Variants in RSPH14 observed in about 807,000 individuals in gnomAD.
RSPH14 encodes rhabdoid tumor deletion region gene 1.
Under a neutral mutation model 26.7 loss-of-function variants are expected in RSPH14, and 20 were observed. The ratio of observed to expected loss-of-function variants is 0.75; its 90% CI spans 0.53 to 1.09. The LOEUF is 1.09. Ranked by LOEUF, RSPH14 falls within the 50% of genes least tolerant of loss-of-function variation. RSPH14 has a pLI of 0.00. For synonymous variants in RSPH14, 177 were observed against 189.3 expected (o/e 0.93, Z 0.53); for missense variants, 449 against 457.2 (o/e 0.98, Z 0.16).
At chr22:23,168,642 C>T in the RSPH14 span, among the ~76,000 whole-genome samples, 3 of 152,216 alleles carry the variant, frequency 2.0e-5, no homozygotes, top group Non-Finnish European at 2.9e-5. Context: ...AACTGATGAG[C>T]AGCCAGGACG....
chr22:23,070,937 C>A (rs1438974836), intron 4 of RSPH14, among the ~76,000 whole-genome samples: 7 of 151,992 alleles, frequency 4.6e-5, no homozygotes, highest in African/African-American at 1.4e-4. Flanking sequence ...GCGGGCCAGG[C>A]GAGCTGCGGG....
chr22:23,130,527 A>AGAAAGAAG (rs780125401), intron 4 of RSPH14, among the ~76,000 whole-genome samples: 1 of 151,822 alleles, frequency 6.6e-6, no homozygotes, highest in Non-Finnish European at 1.5e-5. Context: ...AAAGAAAGAA[A>AGAAAGAAG]GAAAGAGAAA....
At chr22:23,136,783 C>A (rs1380615724) in intron 3 of RSPH14, among the ~76,000 whole-genome samples, 2 of 139,074 alleles carry the variant, frequency 1.4e-5, no homozygotes, top group Non-Finnish European at 3.2e-5. Flanking sequence ...ATGTCCACAT[C>A]AGGTCCAGAA....
At chr22:23,074,908 C>G (rs546619500) in intron 4 of RSPH14, among the ~76,000 whole-genome samples, 98 of 152,252 alleles carry the variant, frequency 6.4e-4, no homozygotes, top group African/African-American at 2.2e-3. Flanking sequence ...ATGGCGCACA[C>G]CTGTAATCCT....
intron 4 of RSPH14, among the ~76,000 whole-genome samples, chr22:23,108,262 C>A (rs1348892619): frequency 3.9e-5 from 6 of 152,230 alleles, no homozygotes; most frequent in Admixed American, 6.5e-5. Flanking sequence ...GAGAGCGGTC[C>A]CCAAGCAGAC....
chr22:23,072,534 C>T (rs957259259), intron 4 of RSPH14, among the ~76,000 whole-genome samples: 1 of 152,180 alleles, frequency 6.6e-6, no homozygotes, highest in Non-Finnish European at 1.5e-5. Flanking sequence ...GATGTTTTTG[C>T]TCTCCCTCTG....
At chr22:23,116,000 C>T (rs969736882) in intron 4 of RSPH14, among the ~76,000 whole-genome samples, 2 of 152,208 alleles carry the variant, frequency 1.3e-5, no homozygotes, top group African/African-American at 2.4e-5. Context: ...GAAGGTGCCG[C>T]GCATGTGCCA....
At chr22:23,091,641 C>T (rs2068982921) in intron 4 of RSPH14, among the ~76,000 whole-genome samples, 1 of 151,896 alleles carries the variant, frequency 6.6e-6, no homozygotes, top group Admixed American at 6.6e-5. Flanking sequence ...CCTGCATACA[C>T]ACTGGCACCT....
At chr22:23,096,049 C>T (rs145676028) in intron 4 of RSPH14, 28 of 1,606,958 alleles carry the variant, frequency 1.7e-5, no homozygotes, top group African/African-American at 4.0e-5. Flanking sequence ...AGAGCAAGGG[C>T]GAGATCACAC....
intron 4 of RSPH14, chr22:23,096,241 C>T (rs1337949722): frequency 5.0e-6 from 8 of 1,613,856 alleles, no homozygotes; most frequent in Non-Finnish European, 5.1e-6. Context: ...GGGACATGAC[C>T]ACGGGCATTG....
intron 4 of RSPH14, among the ~76,000 whole-genome samples, chr22:23,096,832 G>A (rs1353061426): frequency 6.6e-6 from 1 of 152,260 alleles, no homozygotes; most frequent in Admixed American, 6.5e-5. Flanking sequence ...GAGCTGTTTA[G>A]AAGGGATAAT....
At chr22:23,064,397 C>G (rs2068159619) in intron 4 of RSPH14, among the ~76,000 whole-genome samples, 1 of 152,176 alleles carries the variant, frequency 6.6e-6, no homozygotes, top group African/African-American at 2.4e-5. Context: ...GCCTGTGTCT[C>G]AGGGGGCATC....
chr22:23,145,404 C>A, upstream of RSPH14: 1 of 1,609,774 alleles, frequency 6.2e-7, no homozygotes. Context: ...TTGGACGCGC[C>A]GCTGCCAGTC....
the RSPH14 span, among the ~76,000 whole-genome samples, chr22:23,177,428 T>C: frequency 6.6e-6 from 1 of 152,146 alleles, no homozygotes; most frequent in Non-Finnish European, 1.5e-5. Flanking sequence ...GCACTTACTC[T>C]GAGCTCACTA....
chr22:23,141,718 G>A (rs2070604519), intron 1 of RSPH14, among the ~76,000 whole-genome samples: 1 of 152,264 alleles, frequency 6.6e-6, no homozygotes, highest in Admixed American at 6.5e-5. Flanking sequence ...GGTAGAAGTG[G>A]GGGCCGGACT....
At chr22:23,080,542 G>C (rs1187845337) in intron 4 of RSPH14, among the ~76,000 whole-genome samples, 2 of 152,238 alleles carry the variant, frequency 1.3e-5, no homozygotes, top group Non-Finnish European at 2.9e-5. Flanking sequence ...AGGAGGCAAA[G>C]AAAGGAGGAC....
chr22:23,160,985 T>C, the RSPH14 span: 8 of 1,611,028 alleles, frequency 5.0e-6, no homozygotes, highest in South Asian at 5.5e-5. Context: ...AGGTCGGCAA[T>C]GGAGACCTAA....
the RSPH14 span, among the ~76,000 whole-genome samples, chr22:23,151,726 A>G: frequency 6.6e-6 from 1 of 152,218 alleles, no homozygotes; most frequent in Non-Finnish European, 1.5e-5. Flanking sequence ...CTCTAAAAAA[A>G]TAATAAACAG....
the RSPH14 span, among the ~76,000 whole-genome samples, chr22:23,170,111 CAAA>C: frequency 7.4e-6 from 1 of 135,452 alleles, no homozygotes; most frequent in African/African-American, 2.7e-5. Context: ...AAAAAAAAAG[CAAA>C]AAAAGAAAAA....
Sources: allele counts gnomAD v4.1 joint callset (sites outside exome capture counted in the v4.1 genomes callset), GRCh38; gene constraint gnomAD v4.1.1; transcripts MANE v1.5; gene names NCBI Gene and HGNC (gene_info 2026-07-23, HGNC 2026-07-21).